COLEC10: variants seen among roughly 807,000 people sequenced by gnomAD.
COLEC10 encodes the protein collectin-10.
COLEC10 carries 22 observed loss-of-function variants against 28.4 expected under a neutral mutation model. The ratio of observed to expected loss-of-function variants is 0.78; its 90% CI spans 0.55 to 1.11. The LOEUF is 1.11. COLEC10 is among the 50% of genes least tolerant of loss of function. The pLI is 0.00. For synonymous variants in COLEC10, 125 were observed against 116.1 expected, an observed-to-expected ratio of 1.08 and a Z score of -0.49; for missense variants, 361 against 344.1, an observed-to-expected ratio of 1.05 and a Z score of -0.39.
In COLEC10 at chr8:119,097,254, GT is replaced by G. The variant is rs940641602; in HGVS notation, c.293-5085del. On this transcript the variant is annotated intron_variant, in intron 3 of 5. Transcript: ENST00000332843. Reference sequence around the variant, plus strand: ...TTTGTGTTGACAAACTTTTCTTTGTGTTTTTTTTTCAGTAAGCAAAGTTTAA... The same window carrying G: ...TTTGTGTTGACAAACTTTTCTTTGTGTTTTTTTTCAGTAAGCAAAGTTTAA... Among the ~76,000 whole-genome samples, 74 of 149,492 alleles carry G rather than the reference GT, an allele frequency of 5.0e-4. 1 individual carries two copies. The highest frequency in any genetic ancestry group is 8.0e-4 in the Admixed American group (12 of 14,948).
chr8:119,038,193 G>A (rs1814425476), intron 2 of COLEC10, among the ~76,000 whole-genome samples: 1 of 152,104 alleles, frequency 6.6e-6, no homozygotes, highest in African/African-American at 2.4e-5. Flanking sequence ...GATCAACCTG[G>A]GCTCAAATCA....
intron 1 of COLEC10, among the ~76,000 whole-genome samples, chr8:119,088,298 T>G (rs926475016): frequency 1.3e-5 from 2 of 152,144 alleles, no homozygotes; most frequent in Non-Finnish European, 2.9e-5. Context: ...TTCTTACCTC[T>G]GGTCTGACCA....
intron 1 of COLEC10, among the ~76,000 whole-genome samples, chr8:119,084,003 C>A (rs770116417): frequency 6.6e-6 from 1 of 152,102 alleles, no homozygotes; most frequent in Admixed American, 6.5e-5. Flanking sequence ...TGGTTGCAAA[C>A]GTATAATGTC....
At chr8:119,004,542 T>C (rs1250296610) in intron 1 of COLEC10, among the ~76,000 whole-genome samples, 2 of 151,076 alleles carry the variant, frequency 1.3e-5, no homozygotes, top group African/African-American at 2.4e-5. Flanking sequence ...CAATTCTTGA[T>C]TGATATATTC....
In COLEC10 at chr8:119,053,812, C is replaced by T. The variant is rs369402023; in HGVS notation, n.236-35868C>T. On this transcript the variant is annotated intron_variant and non_coding_transcript_variant, in intron 2 of 6. Transcript: ENST00000521788. Reference sequence around the variant, plus strand: ...TTGACTTCAAATAATTTACAGTATTCCCTTCTTTATCCACGGGGGATACAT... The same window carrying T: ...TTGACTTCAAATAATTTACAGTATTTCCTTCTTTATCCACGGGGGATACAT... 3.9e-5 allele frequency among the ~76,000 whole-genome samples: 6 copies of T among 151,960 alleles called. No homozygotes were observed. The East Asian group carries it at 9.6e-4, about 24-fold the overall frequency.
At chr8:118,995,975 A>G (rs1158472898) in intron 1 of COLEC10, among the ~76,000 whole-genome samples, 4 of 152,074 alleles carry the variant, frequency 2.6e-5, no homozygotes, top group Non-Finnish European at 5.9e-5. Context: ...AATGTTGCAC[A>G]GACAGTTTCT....
At chr8:119,046,810 G>T (rs765359065) in intron 2 of COLEC10, among the ~76,000 whole-genome samples, 1 of 152,104 alleles carries the variant, frequency 6.6e-6, no homozygotes, top group Non-Finnish European at 1.5e-5. Flanking sequence ...ACAAAAAATG[G>T]ATTCCAGCAT....
At chr8:119,064,225 C>T (rs1814910119), upstream of COLEC10, among the ~76,000 whole-genome samples, 1 of 151,988 alleles carries the variant, frequency 6.6e-6, no homozygotes, top group Non-Finnish European at 1.5e-5. Flanking sequence ...TGTGAATTCT[C>T]TGTAGCAATT....
intron 1 of COLEC10, among the ~76,000 whole-genome samples, chr8:119,073,393 TG>T (rs11323435): frequency 0.39 from 58,901 of 152,014 alleles, 12,000 homozygotes; most frequent in Non-Finnish European, 0.46. Flanking sequence ...TCAGTCACCT[TG>T]ATGCAAGTTA....
rs1269563613 is a variant in COLEC10 at position 119,089,547 on chromosome 8, A to G, written c.149-133A>G. Reference sequence around the variant, plus strand: ...GTCAAGTGCATGTGAACATACATCCATACTCACAGCTGGATTGTGAGGCAA... The same window carrying G: ...GTCAAGTGCATGTGAACATACATCCGTACTCACAGCTGGATTGTGAGGCAA... On this transcript the variant is annotated intron_variant, in intron 1 of 5. Transcript: ENST00000332843. 17 of 654,066 alleles carry G rather than the reference A, an allele frequency of 2.6e-5. No homozygotes were observed. The Admixed American group carries it at 4.2e-4, about 16-fold the overall frequency. 40.5% of individuals were successfully genotyped at this position (654,066 alleles called of 1,614,324 possible).
chr8:118,958,597 T>C, the COLEC10 span, among the ~76,000 whole-genome samples: 10 of 152,174 alleles, frequency 6.6e-5, no homozygotes, highest in African/African-American at 1.9e-4. Context: ...AAAAAAAAAG[T>C]GTATCTACGT....
At chr8:119,082,669 G>A (rs763988622) in intron 1 of COLEC10, among the ~76,000 whole-genome samples, 2 of 152,202 alleles carry the variant, frequency 1.3e-5, no homozygotes, top group East Asian at 1.9e-4. Context: ...CTGAACTGAC[G>A]AGGTACAAGA....
At chr8:118,987,250 A>G in the COLEC10 span, among the ~76,000 whole-genome samples, 26 of 152,228 alleles carry the variant, frequency 1.7e-4, no homozygotes, top group African/African-American at 6.3e-4. Context: ...AAAGCAGACA[A>G]CTTACAAAGG....
chr8:118,961,081 C>T, the COLEC10 span, among the ~76,000 whole-genome samples: 1 of 152,042 alleles, frequency 6.6e-6, no homozygotes, highest in Non-Finnish European at 1.5e-5. Flanking sequence ...TGCTTTTAAC[C>T]AATAAAACAT....
At chr8:119,053,694 G>T (rs1814715460) in intron 2 of COLEC10, among the ~76,000 whole-genome samples, 1 of 149,990 alleles carries the variant, frequency 6.7e-6, no homozygotes, top group African/African-American at 2.5e-5. Flanking sequence ...GGTGGGGGGG[G>T]CTTATTTCTA....
upstream of COLEC10, among the ~76,000 whole-genome samples, chr8:119,066,286 C>T (rs117863403): frequency 0.013 from 1,947 of 152,232 alleles, 25 homozygotes; most frequent in Non-Finnish European, 0.019. Context: ...TTCCAATCTT[C>T]CAATATCTTA....
intron 1 of COLEC10, among the ~76,000 whole-genome samples, chr8:119,068,949 A>C (rs987347001): frequency 1.3e-5 from 2 of 151,730 alleles, no homozygotes; most frequent in Non-Finnish European, 2.9e-5. Flanking sequence ...ATTCTTAATA[A>C]AATTCTTAAT....
chr8:119,087,834 A>G (rs1815511589), intron 1 of COLEC10, among the ~76,000 whole-genome samples: 1 of 152,148 alleles, frequency 6.6e-6, no homozygotes, highest in Non-Finnish European at 1.5e-5. Context: ...TTTGACTACT[A>G]AAAGCTCTAT....
chr8:118,966,470 T>G, the COLEC10 span, among the ~76,000 whole-genome samples: 208 of 152,144 alleles, frequency 1.4e-3, no homozygotes, highest in Non-Finnish European at 2.7e-3. Flanking sequence ...TACATAATTT[T>G]GTATGAAGTA....
Sources: allele counts gnomAD v4.1 joint callset (sites outside exome capture counted in the v4.1 genomes callset), GRCh38; gene constraint gnomAD v4.1.1; transcripts MANE v1.5; gene names NCBI Gene and HGNC (gene_info 2026-07-23, HGNC 2026-07-21).